The following SNTG1 variants were observed in gnomAD, a reference collection of about 807,000 sequenced individuals.
SNTG1 encodes the protein gamma-1-syntrophin.
In SNTG1, 39 loss-of-function variants were observed where a neutral mutation model predicts 74.7. The observed-to-expected ratio is 0.52, with a 90% CI of 0.40 to 0.68. SNTG1 has a LOEUF of 0.68. Among genes scored for constraint, SNTG1 ranks in the 30% least tolerant of loss-of-function variants. The probability of loss-of-function intolerance (pLI) is 0.00; values close to 1 mark genes in which losing one functional copy is unlikely to be tolerated. For synonymous variants in SNTG1, 254 were observed against 217.1 expected (o/e 1.17, Z -1.49); for missense variants, 685 against 609.5 (o/e 1.12, Z -1.30).
chr8:50,766,042 C>T (rs1219256813), intron 18 of SNTG1, among the ~76,000 whole-genome samples: 1 of 151,860 alleles, frequency 6.6e-6, no homozygotes, highest in Non-Finnish European at 1.5e-5. Flanking sequence ...TAAACTGCTG[C>T]TAAATTATGA....
At chr8:50,419,041 A>C (rs1392966723) in intron 4 of SNTG1, among the ~76,000 whole-genome samples, 1 of 152,162 alleles carries the variant, frequency 6.6e-6, no homozygotes, top group Non-Finnish European at 1.5e-5. Context: ...CTCTGAAAGG[A>C]ACAGGGAGAA....
chr8:50,389,654 G>T (rs1459452743), intron 2 of SNTG1, among the ~76,000 whole-genome samples: 1 of 152,146 alleles, frequency 6.6e-6, no homozygotes, highest in East Asian at 1.9e-4. Context: ...CTGAGGAATT[G>T]ACACACTGTC....
At chr8:50,388,460 G>C (rs1378380866) in intron 2 of SNTG1, among the ~76,000 whole-genome samples, 2 of 152,122 alleles carry the variant, frequency 1.3e-5, no homozygotes, top group African/African-American at 4.8e-5. Context: ...TTAGATTACA[G>C]AATCAATTCC....
intron 1 of SNTG1, among the ~76,000 whole-genome samples, chr8:49,955,109 G>C (rs1810040550): frequency 6.6e-6 from 1 of 152,168 alleles, no homozygotes; most frequent in Non-Finnish European, 1.5e-5. Flanking sequence ...TGTTATAAGT[G>C]AGAACACTCT....
intron 2 of SNTG1, among the ~76,000 whole-genome samples, chr8:50,192,062 A>C (rs1348459710): frequency 2.0e-5 from 3 of 152,178 alleles, no homozygotes; most frequent in African/African-American, 7.2e-5. Flanking sequence ...GAAGCCACAG[A>C]GAAGGCTTCC....
intron 8 of SNTG1, among the ~76,000 whole-genome samples, chr8:50,461,766 G>C (rs1452511765): frequency 6.6e-6 from 1 of 151,788 alleles, no homozygotes; most frequent in African/African-American, 2.4e-5. Flanking sequence ...CTCAGCTTCT[G>C]GCACTAACAT....
chr8:50,589,740 G>T (rs2094679965), intron 12 of SNTG1, among the ~76,000 whole-genome samples: 1 of 152,068 alleles, frequency 6.6e-6, no homozygotes, highest in South Asian at 2.1e-4. Context: ...ACTCAGTATA[G>T]ATTTTTTAAT....
intron 13 of SNTG1, among the ~76,000 whole-genome samples, chr8:50,655,135 T>G (rs780528527): frequency 5.9e-5 from 9 of 152,222 alleles, no homozygotes; most frequent in Non-Finnish European, 1.3e-4. Flanking sequence ...TTAAGCATAT[T>G]CTTTTCCAGT....
chr8:50,654,339 C>A (rs570947014), intron 13 of SNTG1, among the ~76,000 whole-genome samples: 3 of 152,160 alleles, frequency 2.0e-5, no homozygotes, highest in Admixed American at 2.0e-4. Context: ...TTCACTAATT[C>A]TTTCTTTAGC....
At chr8:50,232,878 A>T (rs1003421144) in intron 2 of SNTG1, among the ~76,000 whole-genome samples, 1 of 151,556 alleles carries the variant, frequency 6.6e-6, no homozygotes, top group Non-Finnish European at 1.5e-5. Flanking sequence ...TAAAACACCT[A>T]CAGGACTTTA....
At chr8:49,963,257 C>T (rs1281879159) in intron 1 of SNTG1, among the ~76,000 whole-genome samples, 3 of 152,150 alleles carry the variant, frequency 2.0e-5, no homozygotes, top group Non-Finnish European at 4.4e-5. Context: ...ACAGCATGTG[C>T]TGTATGAACG....
chr8:50,577,141 A>G (rs895512076), intron 12 of SNTG1, among the ~76,000 whole-genome samples: 3 of 152,090 alleles, frequency 2.0e-5, no homozygotes, highest in Non-Finnish European at 4.4e-5. Context: ...CCGTTAAGGT[A>G]GTTTCCTTCT....
intron 1 of SNTG1, among the ~76,000 whole-genome samples, chr8:49,953,391 C>G (rs1325275309): frequency 1.3e-5 from 2 of 152,092 alleles, no homozygotes; most frequent in African/African-American, 4.8e-5. Flanking sequence ...TCTGTCCTTC[C>G]TTGGTTCTCT....
intron 13 of SNTG1, among the ~76,000 whole-genome samples, chr8:50,638,575 T>C (rs1425533506): frequency 1.3e-5 from 2 of 151,956 alleles, no homozygotes; most frequent in East Asian, 3.9e-4. Context: ...CTCTATGTCT[T>C]AACAGAAAAT....
chr8:50,171,413 G>A (rs1218881648), intron 1 of SNTG1, among the ~76,000 whole-genome samples: 1 of 152,040 alleles, frequency 6.6e-6, no homozygotes, highest in African/African-American at 2.4e-5. Context: ...AAATATGTAG[G>A]CTGGGCCGCT....
chr8:50,147,382 A>G (rs907858060), intron 1 of SNTG1, among the ~76,000 whole-genome samples: 1 of 152,246 alleles, frequency 6.6e-6, no homozygotes, highest in African/African-American at 2.4e-5. Flanking sequence ...TTGACTGGTA[A>G]CTGTAAAGTA....
At chr8:50,621,863 A>G (rs770613015) in intron 13 of SNTG1, among the ~76,000 whole-genome samples, 1 of 152,250 alleles carries the variant, frequency 6.6e-6, no homozygotes, top group South Asian at 2.1e-4. Context: ...AATAACTTTT[A>G]GAAATAATTA....
At chr8:50,057,750 C>G (rs1586085463) in intron 1 of SNTG1, among the ~76,000 whole-genome samples, 1 of 152,098 alleles carries the variant, frequency 6.6e-6, no homozygotes, top group Admixed American at 6.6e-5. Context: ...GTGTCCATCC[C>G]TGTTTGAGTT....
chr8:50,489,130 G>A (rs113292141), intron 8 of SNTG1, among the ~76,000 whole-genome samples: 1 of 152,174 alleles, frequency 6.6e-6, no homozygotes, highest in Non-Finnish European at 1.5e-5. Flanking sequence ...TGACTGCATA[G>A]TATTCCATGG....
Sources: gnomAD v4.1 joint callset for allele counts (sites outside exome capture counted in the v4.1 genomes callset) on GRCh38, gnomAD v4.1.1 for gene constraint, MANE v1.5 for transcripts, NCBI Gene and HGNC (gene_info 2026-07-23, HGNC 2026-07-21) for gene names.